Variants in ERBIN observed in about 807,000 individuals in gnomAD.
The protein encoded by ERBIN is densin-180-like protein.
ERBIN carries 60 observed loss-of-function variants against 158.4 expected under a neutral mutation model. The observed-to-expected ratio is 0.38, with a 90% confidence interval of 0.31 to 0.47. The LOEUF is 0.47. Ranked by LOEUF, ERBIN falls within the 20% of genes least tolerant of loss-of-function variation. The pLI is 0.99. For missense variants in ERBIN, 1,610 were observed against 1,648.0 expected, an observed-to-expected ratio of 0.98 and a Z score of 0.40; for synonymous variants, 594 against 557.2, an observed-to-expected ratio of 1.07 and a Z score of -0.93.
In ERBIN at chr5:66,018,458, AT is replaced by A. The variant is rs1243324352; in HGVS notation, c.534-2862del. 1.2e-3 allele frequency among the ~76,000 whole-genome samples: 16 copies of A among 13,212 alleles called. 1 individual carries two copies. In the East Asian group the frequency reaches 0.021, roughly 17 times the overall value. 8.7% of individuals were successfully genotyped at this position (13,212 alleles called of 152,430 possible). ...ATATATATAATATAATATATATTAT[AT>A]TATATAATATATATTATATATTATA... On this transcript the variant is annotated intron_variant, in intron 7 of 25. Transcript: ENST00000284037.
In ERBIN at chr5:66,053,466, A is replaced by G; in HGVS notation, c.2148A>G (p.Thr716=). 2 of 1,595,016 alleles carry G rather than the reference A, an allele frequency of 1.3e-6. No homozygotes were observed. The highest frequency in any genetic ancestry group is 1.7e-6 in the Non-Finnish European group (2 of 1,174,348). ...LQNGDILNSS[T]EEKFKAHDKK... is the part of the protein sequence containing the mutation. ...ATGGAGATATTTTAAACAGTTCAACAGAGGAAAAGTTCAAAGCTCATGATA... is the reference window on the plus strand; with the variant it reads ...ATGGAGATATTTTAAACAGTTCAACGGAGGAAAAGTTCAAAGCTCATGATA... The change falls in exon 21 of 26, where the codon ACA becomes ACG. Residue 716 remains threonine, a synonymous_variant. Coordinates refer to ENST00000284037, the MANE Select transcript of ERBIN (RefSeq NM_001253697.2).
At chr5:65,928,554 A>G (rs1217174765) in intron 1 of ERBIN, among the ~76,000 whole-genome samples, 4 of 152,218 alleles carry the variant, frequency 2.6e-5, no homozygotes, top group African/African-American at 9.6e-5. Flanking sequence ...TTTTGTATAA[A>G]AAAAGTATTG....
At position 66,081,670 on chromosome 5, in the gene ERBIN, A is replaced by C. The variant is rs1561471380; in HGVS notation, c.*3140A>C. On this transcript the variant is annotated 3_prime_UTR_variant, in exon 26 of 26. Transcript: ENST00000284037. ...TGTGGAAGAAGTGTAGTTTATCTCA[A>C]ATTATTATTATTTACTTCTAAAGGG... is the stretch of plus-strand genomic sequence containing the variant. The C allele has an allele frequency of 6.6e-6, 1 of 152,040 alleles. No individual in the cohort carries two copies. The highest frequency in any genetic ancestry group is 1.9e-4 in the East Asian group (1 of 5,192). 9.4% of individuals were successfully genotyped at this position (152,040 alleles called of 1,614,324 possible).
chr5:65,996,244 G>GTTTTTTTTTTTTTTTTTTTTGTA (rs1752419481), intron 4 of ERBIN, among the ~76,000 whole-genome samples: 1 of 101,164 alleles, frequency 9.9e-6, no homozygotes, highest in Non-Finnish European at 2.0e-5. Context: ...TTTCCTAGTA[G>GTTTTTTTTTTTTTTTTTTTTGTA]TTTTTTTTTT....
At chr5:66,064,205 T>C (rs1760756660) in intron 21 of ERBIN, among the ~76,000 whole-genome samples, 1 of 152,108 alleles carries the variant, frequency 6.6e-6, no homozygotes, top group Non-Finnish European at 1.5e-5. Context: ...ATAAATAGGA[T>C]TAAGATTAAT....
Position 66,028,280 on chromosome 5 carries a change from G to T in ERBIN, c.1143G>T (p.Lys381Asn), listed in dbSNP as rs1756492553. 1.9e-6 allele frequency: 3 copies of T among 1,607,492 alleles called. No homozygotes were observed. The highest frequency in any genetic ancestry group is 2.7e-5 in the African/African-American group (2 of 74,570). The change falls in exon 14 of 26, where the codon AAG becomes AAT. Residue 381 changes from lysine to asparagine, a missense_variant. Physicochemically the swap from Lys to Asn is moderately conservative, Grantham distance 94 (BLOSUM62 0). Transcript: ENST00000284037. Reference protein sequence around the residue: ...KVINLSDNRLKNLPFSFTKLQ... With the variant: ...KVINLSDNRLNNLPFSFTKLQ... Reference sequence around the variant, plus strand: ...TTGTATTTTTTTCCTACAGATTAAAGAATTTACCCTTTAGCTTTACAAAGC... The same window carrying T: ...TTGTATTTTTTTCCTACAGATTAAATAATTTACCCTTTAGCTTTACAAAGC...
Position 66,078,505 on chromosome 5 carries a change from T to C in ERBIN, c.4214T>C (p.Ile1405Thr). The C allele has an allele frequency of 6.2e-7, 1 of 1,606,840 alleles. No individual in the cohort carries two copies. Residue 1405 changes from isoleucine to threonine, a missense_variant, in exon 26 of 26, where the codon ATC becomes ACC. Physicochemically the swap from Ile to Thr is moderately conservative, Grantham distance 89. Coordinates refer to ENST00000284037, the MANE Select transcript of ERBIN (RefSeq NM_001253697.2). ...LKTFQNTVEL[I>T]IVREVSS ...ACTTTCCAGAATACAGTTGAACTCA[T>C]CATTGTACGAGAAGTTTCCTCATAA... is the stretch of plus-strand genomic sequence containing the variant.
At chr5:66,040,169 C>A (rs10052841) in intron 15 of ERBIN, among the ~76,000 whole-genome samples, 2,634 of 151,918 alleles carry the variant, frequency 0.017, 79 homozygotes, top group African/African-American at 0.061. Context: ...AAAATAGATG[C>A]TATTATCATT....
chr5:66,044,137 G>T lies in ERBIN; in HGVS notation c.1429G>T (p.Glu477Ter). 1 of 1,537,742 alleles carries T rather than the reference G, an allele frequency of 6.5e-7. No homozygotes were observed. The highest frequency in any genetic ancestry group is 8.7e-7 in the Non-Finnish European group (1 of 1,148,266). The change falls in exon 17 of 26, where the codon GAG (glutamate) becomes TAG (stop). Residue 477 changes from glutamate to a stop codon, truncating the protein, a stop_gained and splice_region_variant. Transcript: ENST00000284037. LOFTEE classifies it high-confidence loss of function. ...TATTTTACTTATTTTATTTCTCTAGGAGGGAAATTTAAAAAGATATCCAAC... is the reference window on the plus strand; with the variant it reads ...TATTTTACTTATTTTATTTCTCTAGTAGGGAAATTTAAAAAGATATCCAAC... Reference protein sequence around the residue: ...DKDEREAPPREGNLKRYPTPY... With the variant: ...DKDEREAPPR
intron 4 of ERBIN, among the ~76,000 whole-genome samples, chr5:66,001,784 G>C (rs770740973): frequency 1.3e-5 from 2 of 152,018 alleles, no homozygotes; most frequent in African/African-American, 2.4e-5. Flanking sequence ...TTTACTGTAT[G>C]TATGCTTTTT....
Position 66,014,886 on chromosome 5 carries a change from G to T in ERBIN, c.533+161G>T, listed in dbSNP as rs186256939. ...ATTAATGGTGTTAAAATATTAAAAT[G>T]TATGTGTCTGTTGTTGGTGCTTAAC... On this transcript the variant is annotated intron_variant, in intron 7 of 25. Coordinates refer to ENST00000284037, the MANE Select transcript of ERBIN (RefSeq NM_001253697.2). Among the ~76,000 whole-genome samples the T allele has an allele frequency of 3.8e-3, 584 of 152,260 alleles. 5 individuals carry two copies. The highest frequency in any genetic ancestry group is 0.013 in the African/African-American group (544 of 41,552).
intron 1 of ERBIN, among the ~76,000 whole-genome samples, chr5:65,929,326 T>C (rs896121939): frequency 6.6e-6 from 1 of 152,222 alleles, no homozygotes; most frequent in African/African-American, 2.4e-5. Context: ...AAATTACTTA[T>C]TTGAAATAAT....
chr5:66,004,577 ATT>A (rs1314760926), intron 4 of ERBIN, among the ~76,000 whole-genome samples: 1 of 151,556 alleles, frequency 6.6e-6, no homozygotes, highest in African/African-American at 2.4e-5. Context: ...TTTTTTTGGT[ATT>A]TTCAGTTTAC....
Position 66,044,289 on chromosome 5 carries a change from A to G in ERBIN, c.1581A>G (p.Ile527Met). Residue 527 changes from isoleucine to methionine, a missense_variant, in exon 17 of 26, where the codon ATA (isoleucine) becomes ATG (methionine). This residue lies in a region of ERBIN where 596 missense variants were observed against 711.9 expected (regional missense o/e 0.84). Transcript: ENST00000284037. ...AACCACATGAAGATCAACAAGATAT[A>G]AATAAAGATGTGGGTGTGAAGGTTA... ...DLKPHEDQQDINKDVGVKTSE... is the reference protein window; with the variant it reads ...DLKPHEDQQDMNKDVGVKTSE... 6.3e-7 allele frequency: 1 copy of G among 1,597,670 alleles called. No homozygotes were observed. The highest frequency in any genetic ancestry group is 8.5e-7 in the Non-Finnish European group (1 of 1,175,744).
chr5:65,958,406 GT>G (rs1747508976), intron 1 of ERBIN, among the ~76,000 whole-genome samples: 1 of 152,354 alleles, frequency 6.6e-6, no homozygotes, highest in South Asian at 2.1e-4. Context: ...ATCACTCGCG[GT>G]TAGGAGCTGG....
At chr5:66,005,083 T>C (rs926957892) in intron 4 of ERBIN, among the ~76,000 whole-genome samples, 10 of 144,604 alleles carry the variant, frequency 6.9e-5, no homozygotes, top group African/African-American at 2.3e-4. Flanking sequence ...TTAATCTGTC[T>C]ATATATATAT....
intron 21 of ERBIN, among the ~76,000 whole-genome samples, chr5:66,055,579 C>G (rs897207020): frequency 8.6e-5 from 13 of 151,674 alleles, no homozygotes; most frequent in Non-Finnish European, 1.6e-4. Context: ...AGATGTTCAT[C>G]TTTTGAAAGG....
chr5:66,072,266 A>G lies in ERBIN; in HGVS notation c.3731A>G (p.Asp1244Gly), dbSNP rs749820932. ...NYSSATLSHK[D>G]VPPDSLMKMP... is the part of the protein sequence containing the mutation. ...TCATCAGCCACACTTAGTCACAAAG[A>G]TGTTCCTCCAGACAGCTTGATGAAA... Residue 1244 changes from aspartate to glycine, a missense_variant, in exon 22 of 26, where the codon GAT becomes GGT. Physicochemically the swap from Asp to Gly is moderately conservative, Grantham distance 94 (BLOSUM62 -1). Coordinates refer to ENST00000284037, the MANE Select transcript of ERBIN (RefSeq NM_001253697.2). 8.8e-5 allele frequency: 137 copies of G among 1,550,282 alleles called. No individual in the cohort carries two copies. Among genetic ancestry groups the G allele is most frequent in the Non-Finnish European group, 1.1e-4 (127 of 1,146,914 alleles).
Position 66,009,723 on chromosome 5 carries a change from T to C in ERBIN, c.308-2326T>C, listed in dbSNP as rs562943342. Reference sequence around the variant, plus strand: ...TGGAATAGGATTGCCAAGTTTGTTTTACCAGTAAGAAAATTCCTGTCTCCC... The same window carrying C: ...TGGAATAGGATTGCCAAGTTTGTTTCACCAGTAAGAAAATTCCTGTCTCCC... On this transcript the variant is annotated intron_variant, in intron 4 of 25. Coordinates refer to ENST00000284037, the MANE Select transcript of ERBIN (RefSeq NM_001253697.2). 6.0e-4 allele frequency among the ~76,000 whole-genome samples: 91 copies of C among 152,312 alleles called. 3 individuals carry two copies. The South Asian group carries it at 0.018, about 31-fold the overall frequency.
Sources: allele counts gnomAD v4.1 joint callset (sites outside exome capture counted in the v4.1 genomes callset), GRCh38; gene constraint gnomAD v4.1.1; regional missense constraint gnomAD v4.1.1; transcripts MANE v1.5; gene names NCBI Gene and HGNC (gene_info 2026-07-23, HGNC 2026-07-21).